The following ABCC4 variants were observed in gnomAD, a reference collection of about 807,000 sequenced individuals.
ABCC4 encodes ATP-binding cassette sub-family C member 4.
ABCC4 carries 102 observed loss-of-function variants against 168.5 expected under a neutral mutation model. The ratio of observed to expected loss-of-function variants is 0.61; its 90% CI spans 0.52 to 0.71. The LOEUF is 0.71. Among genes scored for constraint, ABCC4 ranks in the 30% least tolerant of loss-of-function variants. The pLI is 0.00. For missense variants in ABCC4, 1,402 were observed against 1,605.8 expected (o/e 0.87, Z 2.17); for synonymous variants, 617 against 590.7 (o/e 1.04, Z -0.65).
intron 21 of ABCC4, 153 bp from the exon 22 acceptor site, chr13:95,075,704 C>A: frequency 1.1e-6 from 1 of 923,936 alleles, no homozygotes; most frequent in East Asian, 2.7e-5. Flanking sequence ...TCCCAATAGC[C>A]TGAGGGGACC....
intron 30 of ABCC4, among the ~76,000 whole-genome samples, chr13:95,021,928 G>T: frequency 6.6e-6 from 1 of 152,156 alleles, no homozygotes; most frequent in Middle Eastern, 3.2e-3. Context: ...CTGATTCATA[G>T]ATATGTTTTA....
At chr13:95,122,086 G>A (rs1453513370) in intron 19 of ABCC4, among the ~76,000 whole-genome samples, 4 of 152,158 alleles carry the variant, frequency 2.6e-5, no homozygotes, top group Admixed American at 6.5e-5. Flanking sequence ...CCACTCTTCA[G>A]GGCAACTTCC....
At position 95,264,498 on chromosome 13, in the gene ABCC4, C is replaced by T. The variant is rs541469555; in HGVS notation, c.75-16745G>A. 1.7e-3 allele frequency among the ~76,000 whole-genome samples: 264 copies of T among 152,258 alleles called. 2 individuals are homozygous for T. Among genetic ancestry groups the T allele is most frequent in the Middle Eastern group, 6.8e-3 (2 of 294 alleles). On this transcript the variant is annotated intron_variant, in intron 1 of 30. Transcript: ENST00000645237. The stretch of plus-strand genomic sequence containing the variant: ...CATCACCACTGTGTGCCTCCGGATA[C>T]AATGCACTGAGGATACTGTATTTAT...
At chr13:95,201,211 C>T (rs1484969881) in intron 8 of ABCC4, among the ~76,000 whole-genome samples, 1 of 152,188 alleles carries the variant, frequency 6.6e-6, no homozygotes, top group Non-Finnish European at 1.5e-5. Context: ...TATTTTACTA[C>T]ATGCATACAT....
intron 10 of ABCC4, 93 bp downstream of exon 10, chr13:95,188,360 A>C: frequency 7.7e-6 from 9 of 1,167,672 alleles, no homozygotes; most frequent in Non-Finnish European, 1.2e-5. Context: ...TACCCAGTTC[A>C]AAATTGTGTT....
At chr13:95,111,869 C>T (rs1594113636) in intron 20 of ABCC4, among the ~76,000 whole-genome samples, 1 of 152,160 alleles carries the variant, frequency 6.6e-6, no homozygotes, top group East Asian at 1.9e-4. Context: ...ACAGAGCCTA[C>T]ATTCTAGACA....
chr13:95,152,300 A>T (rs55724272), intron 19 of ABCC4, among the ~76,000 whole-genome samples: 6,825 of 152,218 alleles, frequency 0.045, 218 homozygotes, highest in Middle Eastern at 0.13. Flanking sequence ...GACAAAAAAC[A>T]CTCTAATTTT....
intron 19 of ABCC4, among the ~76,000 whole-genome samples, chr13:95,130,075 TA>T (rs539290300): frequency 0.012 from 1,531 of 129,340 alleles, 10 homozygotes; most frequent in African/African-American, 0.023. Context: ...AACTCCATCT[TA>T]AAAAAAAAAA....
intron 19 of ABCC4, among the ~76,000 whole-genome samples, chr13:95,157,790 G>A (rs1315552471): frequency 6.6e-6 from 1 of 152,184 alleles, no homozygotes; most frequent in Non-Finnish European, 1.5e-5. Context: ...GAAACTTCAG[G>A]CCGGGCGCGG....
chr13:95,084,081 T>C (rs1019278807), intron 20 of ABCC4, among the ~76,000 whole-genome samples: 2 of 152,176 alleles, frequency 1.3e-5, no homozygotes, highest in African/African-American at 4.8e-5. Flanking sequence ...ATCTTCACCT[T>C]TGGAAGTGGG....
intron 19 of ABCC4, among the ~76,000 whole-genome samples, chr13:95,151,241 G>A (rs1016131533): frequency 1.3e-5 from 2 of 152,076 alleles, no homozygotes; most frequent in African/African-American, 4.8e-5. Context: ...CACTTTGGGA[G>A]GCTGAAGGCA....
At position 95,126,730 on chromosome 13, in the gene ABCC4, T is replaced by TATATATATATATATTCCAAA. The variant is rs1340943417; in HGVS notation, c.2456-10730_2456-10729insTTTGGAATATATATATATAT. Among the ~76,000 whole-genome samples, 89 of 80,536 alleles carry TATATATATATATATTCCAAA rather than the reference T, an allele frequency of 1.1e-3. 4 individuals carry two copies. Among genetic ancestry groups the TATATATATATATATTCCAAA allele is most frequent in the African/African-American group, 5.4e-3 (86 of 16,052 alleles). The allele number at this position is 80,536 out of a possible 152,430, so 52.8% of individuals were successfully genotyped here. A position where few individuals can be genotyped will look rare whatever the true frequency, so the allele number is the denominator to read the frequency against. On this transcript the variant is annotated intron_variant, in intron 19 of 30. Transcript: ENST00000645237. ...ATGAACTTTTTTTGGAATATATATA[T>TATATATATATATATTCCAAA]ATATATATATATATATATATATATT...
chr13:95,295,652 C>A (rs554330619), intron 1 of ABCC4, among the ~76,000 whole-genome samples: 1 of 150,070 alleles, frequency 6.7e-6, no homozygotes, highest in Non-Finnish European at 1.5e-5. Flanking sequence ...AGCAAGACTC[C>A]GTCCCCCGCC....
intron 14 of ABCC4, 169 bp downstream of exon 14, chr13:95,170,363 G>T (rs2037425016): frequency 2.0e-6 from 1 of 493,832 alleles, no homozygotes; most frequent in Non-Finnish European, 3.6e-6. Context: ...ATACTTTACG[G>T]TAATATGGTT....
intron 9 of ABCC4, among the ~76,000 whole-genome samples, chr13:95,190,915 T>C: frequency 6.6e-6 from 1 of 152,212 alleles, no homozygotes; most frequent in East Asian, 1.9e-4. Flanking sequence ...TGGTAAATGC[T>C]CATCCATATC....
chr13:95,204,287 G>A (rs1466971773), intron 8 of ABCC4, among the ~76,000 whole-genome samples: 1 of 152,178 alleles, frequency 6.6e-6, no homozygotes, highest in East Asian at 1.9e-4. Context: ...AAAGAATACT[G>A]AAGGAAATAT....
chr13:95,292,954 A>C (rs572375693), intron 1 of ABCC4, among the ~76,000 whole-genome samples: 1 of 152,264 alleles, frequency 6.6e-6, no homozygotes, highest in African/African-American at 2.4e-5. Flanking sequence ...GGGATGAAAG[A>C]GGGGAGGGCA....
intron 19 of ABCC4, among the ~76,000 whole-genome samples, chr13:95,158,248 T>G (rs1336483802): frequency 6.6e-6 from 1 of 152,086 alleles, no homozygotes; most frequent in African/African-American, 2.4e-5. Context: ...GGGTCGCCCA[T>G]TCATTAACCA....
At chr13:95,057,579 C>T (rs9561775) in intron 26 of ABCC4, among the ~76,000 whole-genome samples, 22,860 of 152,182 alleles carry the variant, frequency 0.15, 2,133 homozygotes, top group East Asian at 0.29. Context: ...TGGCCCCTGA[C>T]TATGTATGTC....
Sources: allele counts gnomAD v4.1 joint callset (sites outside exome capture counted in the v4.1 genomes callset), GRCh38; gene constraint gnomAD v4.1.1; transcripts MANE v1.5; gene names NCBI Gene and HGNC (gene_info 2026-07-23, HGNC 2026-07-21).